The following ZNF777 variants were observed in gnomAD, a reference collection of about 807,000 sequenced individuals.
The protein encoded by ZNF777 is zinc finger protein 777.
In ZNF777, 7 loss-of-function variants were observed where a neutral mutation model predicts 72.1. The observed-to-expected ratio is 0.10, with a 90% CI of 0.06 to 0.18. The LOEUF is 0.18. Ranked by LOEUF, ZNF777 falls within the 10% of genes least tolerant of loss-of-function variation. ZNF777 has a pLI of 1.00. For missense variants in ZNF777, 828 were observed against 1,128.6 expected (o/e 0.73, Z 3.82); for synonymous variants, 545 against 483.5 (o/e 1.13, Z -1.67).
rs751930761 is a variant in ZNF777, at chr7:149,431,732, C to A, written c.*44G>T. On this transcript the variant is annotated 3_prime_UTR_variant, in exon 6 of 6. Coordinates refer to ENST00000247930, the MANE Select transcript of ZNF777 (RefSeq NM_015694.3). ...GGGCCTGGCGGTGTCCGAGGGGGGG[C>A]ACGGCCCGCGCACCTGGCCGGGCGG... 197 of 1,302,034 alleles carry A rather than the reference C, an allele frequency of 1.5e-4. 1 individual carries two copies. The highest frequency in any genetic ancestry group is 1.8e-4 in the Non-Finnish European group (190 of 1,028,012). The allele number at this position is 1,302,034 out of a possible 1,614,324, so 80.7% of individuals were successfully genotyped here. A position where few individuals can be genotyped will look rare whatever the true frequency, so the allele number is the denominator to read the frequency against.
chr7:149,448,579 C>CTATATATATATATATATATA (rs57860880), intron 4 of ZNF777, among the ~76,000 whole-genome samples: 8 of 115,064 alleles, frequency 7.0e-5, no homozygotes, highest in Middle Eastern at 4.7e-3. Context: ...ATACATATAA[C>CTATATATATATATATATATA]TATATATATA....
rs114750994 is a variant in ZNF777 at position 149,441,749 on chromosome 7, T to C, written c.1088-4923A>G. Among the ~76,000 whole-genome samples, 1,520 of 152,366 alleles carry C rather than the reference T, an allele frequency of 1.0e-2. 22 individuals are homozygous for C. The highest frequency in any genetic ancestry group is 0.034 in the African/African-American group (1,427 of 41,582). On this transcript the variant is annotated intron_variant, in intron 4 of 5. Coordinates refer to ENST00000247930, the MANE Select transcript of ZNF777 (RefSeq NM_015694.3). Reference sequence around the variant, plus strand: ...TTAGTTACTGAAAGTGATATAATGCTATATTTTTAGACATTTAGTTAAAAT... The same window carrying C: ...TTAGTTACTGAAAGTGATATAATGCCATATTTTTAGACATTTAGTTAAAAT...
At position 149,433,498 on chromosome 7, in the gene ZNF777, C is replaced by T. The variant is rs185625576; in HGVS notation, c.1340-566G>A. Among the ~76,000 whole-genome samples, 9 of 152,320 alleles carry T rather than the reference C, an allele frequency of 5.9e-5. No homozygotes were observed. In the East Asian group the frequency reaches 1.3e-3, roughly 23 times the overall value. On this transcript the variant is annotated intron_variant, in intron 5 of 5. Transcript: ENST00000247930. ...ATCTCTGCCTGAACTCTGCTCAGAC[C>T]GGCCCACTTCTTTCTTAATCCACTT... is the stretch of plus-strand genomic sequence containing the variant.
intron 1 of ZNF777, among the ~76,000 whole-genome samples, chr7:149,459,134 G>A (rs1412136568): frequency 1.3e-5 from 2 of 151,478 alleles, no homozygotes; most frequent in Non-Finnish European, 2.9e-5. Context: ...TTTCTCATGA[G>A]TTTTTTTTTG....
In ZNF777 at chr7:149,460,958, C is replaced by G. The variant is rs1314279468; in HGVS notation, c.-159G>C. 1.3e-5 allele frequency: 2 copies of G among 152,294 alleles called. No homozygotes were observed. The highest frequency in any genetic ancestry group is 4.1e-4 in the South Asian group (2 of 4,836). The allele number at this position is 152,294 out of a possible 1,614,324, so 9.4% of individuals were successfully genotyped here. A position where few individuals can be genotyped will look rare whatever the true frequency, so the allele number is the denominator to read the frequency against. On this transcript the variant is annotated 5_prime_UTR_variant, in exon 1 of 6. Coordinates refer to ENST00000247930, the MANE Select transcript of ZNF777 (RefSeq NM_015694.3). The surrounding 1 kb of genome is among the most constrained non-coding windows in gnomAD (Gnocchi z 6.1). ...CCGACAGCCTTCCTCCCGCCGATCC[C>G]CTGCGCCTCTCACACCCAGAACCCG...
At position 149,448,485 on chromosome 7, in the gene ZNF777, C is replaced by CTATATATATA. The variant is rs61005836; in HGVS notation, c.1087+2504_1087+2513dup. ...GCTCCATCTCAAAAACAAAACAAAACTATATATATATATATATATATATAT... is the reference window on the plus strand; with the variant it reads ...GCTCCATCTCAAAAACAAAACAAAACTATATATATATATATATATATATATATATATATAT... On this transcript the variant is annotated intron_variant, in intron 4 of 5. Coordinates refer to ENST00000247930, the MANE Select transcript of ZNF777 (RefSeq NM_015694.3). 3.3e-4 allele frequency among the ~76,000 whole-genome samples: 35 copies of CTATATATATA among 104,606 alleles called. 2 individuals are homozygous for CTATATATATA. Among genetic ancestry groups the CTATATATATA allele is most frequent in the African/African-American group, 1.6e-3 (32 of 19,402 alleles). 68.6% of individuals were successfully genotyped at this position (104,606 alleles called of 152,430 possible).
At chr7:149,457,896 C>A (rs1291769472) in intron 1 of ZNF777, among the ~76,000 whole-genome samples, 2 of 152,206 alleles carry the variant, frequency 1.3e-5, no homozygotes, top group Non-Finnish European at 2.9e-5. Flanking sequence ...ACAGGAGAGA[C>A]TAAGCAACTT....
rs1408521336 is a variant in ZNF777 at position 149,437,864 on chromosome 7, G to A, written c.1088-1038C>T. Among the ~76,000 whole-genome samples the A allele has an allele frequency of 4.1e-5, 4 of 96,490 alleles. No individual in the cohort carries two copies. In the Admixed American group the frequency reaches 4.9e-4, roughly 12 times the overall value. 63.3% of individuals were successfully genotyped at this position (96,490 alleles called of 152,430 possible). ...CTGTGTTCCTCTACTCAAATATCTT[G>A]TAGAAATCCCTTCAAACCAATTTCT... On this transcript the variant is annotated intron_variant, in intron 4 of 5. Coordinates refer to ENST00000247930, the MANE Select transcript of ZNF777 (RefSeq NM_015694.3).
At position 149,460,099 on chromosome 7, in the gene ZNF777, C is replaced by G; in HGVS notation, c.-16+716G>C. ...CCCCGGGGCCCCGAGGCCGCGCGTCCGTGCGCGCGCGGGCCGCCCTCACAG... is the reference window on the plus strand; with the variant it reads ...CCCCGGGGCCCCGAGGCCGCGCGTCGGTGCGCGCGCGGGCCGCCCTCACAG... On this transcript the variant is annotated intron_variant, in intron 1 of 5. Coordinates refer to ENST00000247930, the MANE Select transcript of ZNF777 (RefSeq NM_015694.3). This position sits in a 1 kb window ranked among gnomAD's most constrained non-coding sequence, Gnocchi z 6.1. 5.1e-6 allele frequency: 5 copies of G among 980,644 alleles called. No individual in the cohort carries two copies. The highest frequency in any genetic ancestry group is 4.8e-6 in the Non-Finnish European group (4 of 828,032). 60.7% of individuals were successfully genotyped at this position (980,644 alleles called of 1,614,324 possible). A position where few individuals can be genotyped will look rare whatever the true frequency, so the allele number is the denominator to read the frequency against.
In ZNF777 at chr7:149,432,511, T is replaced by C. The variant is rs1228733245; in HGVS notation, c.1761A>G (p.Gln587=). 1.2e-6 allele frequency: 2 copies of C among 1,613,590 alleles called. No individual in the cohort carries two copies. The highest frequency in any genetic ancestry group is 1.3e-5 in the African/African-American group (1 of 74,846). The change falls in exon 6 of 6, where the codon CAA becomes CAG. Residue 587 remains glutamine, a synonymous_variant. Coordinates refer to ENST00000247930, the MANE Select transcript of ZNF777 (RefSeq NM_015694.3). ...AECEISFRHK[Q]QLTLHQRIHR... is the part of the protein sequence containing the mutation. ...GGATGCGCTGGTGCAGCGTGAGCTG[T>C]TGCTTGTGCCGGAAGCTGATCTCGC... is the stretch of plus-strand genomic sequence containing the variant.
chr7:149,432,811 G>A lies in ZNF777; in HGVS notation c.1461C>T (p.Tyr487=). 3 of 1,605,914 alleles carry A rather than the reference G, an allele frequency of 1.9e-6. No homozygotes were observed. The highest frequency in any genetic ancestry group is 2.6e-6 in the Non-Finnish European group (3 of 1,174,444). ...ACATCTCCCCGGGCAGCGGGGTCTG[G>A]TACATACTGGCCTCATATCTCCCGG... ...QLSGRYEASM[Y]QTPLPGEMSP... The change falls in exon 6 of 6, where the codon TAC becomes TAT. Residue 487 remains tyrosine, a synonymous_variant. Transcript: ENST00000247930.
intron 3 of ZNF777, 76 bp from the exon 4 acceptor site, chr7:149,451,188 C>T: frequency 7.7e-6 from 10 of 1,297,718 alleles, no homozygotes; most frequent in Non-Finnish European, 1.1e-5. Context: ...CATCTGTGGG[C>T]ACGTGATTCC....
At position 149,455,514 on chromosome 7, in the gene ZNF777, G is replaced by T; in HGVS notation, c.509C>A (p.Ser170Tyr). Residue 170 changes from serine (S) to tyrosine (Y), a missense_variant, in exon 2 of 6, where the codon TCT becomes TAT. Around this residue, in one of 12 missense-constraint regions of ZNF777, gnomAD observed 222 missense variants for 211.2 expected, o/e 1.05. Coordinates refer to ENST00000247930, the MANE Select transcript of ZNF777 (RefSeq NM_015694.3). This position sits in a 1 kb window ranked among gnomAD's most constrained non-coding sequence, Gnocchi z 4.2. Reference protein sequence around the residue: ...SQKDTPFQISSAVQKEQPLPT... With the variant: ...SQKDTPFQISYAVQKEQPLPT... Reference sequence around the variant, plus strand: ...GAGCGGCTGTTCCTTCTGGACTGCAGAAGAGATCTGGAAAGGGGTGTCCTT... The same window carrying T: ...GAGCGGCTGTTCCTTCTGGACTGCATAAGAGATCTGGAAAGGGGTGTCCTT... 6.2e-7 allele frequency: 1 copy of T among 1,614,096 alleles called. No homozygotes were observed. The highest frequency in any genetic ancestry group is 2.2e-5 in the East Asian group (1 of 44,878).
chr7:149,459,898 T>C (rs1208038923), intron 1 of ZNF777: 1 of 971,958 alleles, frequency 1.0e-6, no homozygotes, highest in Non-Finnish European at 1.2e-6. Flanking sequence ...GGGCCGGGCG[T>C]GAGAGCAGCC....
Position 149,455,903 on chromosome 7 carries a change from G to A in ZNF777, c.120C>T (p.Pro40=), listed in dbSNP as rs1421672629. 1.1e-5 allele frequency: 17 copies of A among 1,613,794 alleles called. No homozygotes were observed. Among genetic ancestry groups the A allele is most frequent in the African/African-American group, 2.7e-5 (2 of 74,810 alleles). ...TGGGAGACAAAGAAGGAATTTCTTT[G>A]GGAGGAAGAACGCGGGATTGGAACA... ...ETLFQSRVLP[P]KEIPSLSPTI... The change falls in exon 2 of 6, where the codon CCC becomes CCT. Residue 40 remains proline, a synonymous_variant. Coordinates refer to ENST00000247930, the MANE Select transcript of ZNF777 (RefSeq NM_015694.3). The surrounding 1 kb of genome is among the most constrained non-coding windows in gnomAD (Gnocchi z 4.2).
In ZNF777 at chr7:149,437,393, G is replaced by A. The variant is rs148389908; in HGVS notation, c.1088-567C>T. On this transcript the variant is annotated intron_variant, in intron 4 of 5. Transcript: ENST00000247930. Reference sequence around the variant, plus strand: ...CTCACAATCAGGTCGATGAAGAAAAGGCTACCTCCTGACCACTCCCACCCT... The same window carrying A: ...CTCACAATCAGGTCGATGAAGAAAAAGCTACCTCCTGACCACTCCCACCCT... 3.9e-5 allele frequency among the ~76,000 whole-genome samples: 6 copies of A among 152,154 alleles called. No individual in the cohort carries two copies. The South Asian group carries it at 1.0e-3, about 26-fold the overall frequency.
At position 149,455,907 on chromosome 7, in the gene ZNF777, G is replaced by T. The variant is rs1226318491; in HGVS notation, c.116C>A (p.Pro39His). The change falls in exon 2 of 6, where the codon CCT (proline) becomes CAT (histidine). Residue 39 changes from proline (P) to histidine (H), a missense_variant. Physicochemically the swap from Pro to His is moderately conservative, Grantham distance 77. This residue lies in a region of ZNF777 where 222 missense variants were observed against 211.2 expected (regional missense o/e 1.05). Transcript: ENST00000247930. The surrounding 1 kb of genome is among the most constrained non-coding windows in gnomAD (Gnocchi z 4.2). Reference protein sequence around the residue: ...RETLFQSRVLPPKEIPSLSPT... With the variant: ...RETLFQSRVLHPKEIPSLSPT... ...AGACAAAGAAGGAATTTCTTTGGGAGGAAGAACGCGGGATTGGAACAGAGT... is the reference window on the plus strand; with the variant it reads ...AGACAAAGAAGGAATTTCTTTGGGATGAAGAACGCGGGATTGGAACAGAGT... The T allele has an allele frequency of 6.2e-7, 1 of 1,613,794 alleles. No homozygotes were observed. The highest frequency in any genetic ancestry group is 8.5e-7 in the Non-Finnish European group (1 of 1,180,008).
In ZNF777 at chr7:149,460,844, G is replaced by A. The variant is rs972285951; in HGVS notation, c.-45C>T. 5 of 152,156 alleles carry A rather than the reference G, an allele frequency of 3.3e-5. No homozygotes were observed. The highest frequency in any genetic ancestry group is 9.7e-5 in the African/African-American group (4 of 41,426). 9.4% of individuals were successfully genotyped at this position (152,156 alleles called of 1,614,324 possible). On this transcript the variant is annotated 5_prime_UTR_variant, in exon 1 of 6. Coordinates refer to ENST00000247930, the MANE Select transcript of ZNF777 (RefSeq NM_015694.3). This position sits in a 1 kb window ranked among gnomAD's most constrained non-coding sequence, Gnocchi z 6.1. ...GGTCCTCGCCTGCCCAGGCACCCTCGGGCGAGGCCGGGAGGCGCGCGGGCG... is the reference window on the plus strand; with the variant it reads ...GGTCCTCGCCTGCCCAGGCACCCTCAGGCGAGGCCGGGAGGCGCGCGGGCG...
At chr7:149,447,209 GGGCAT>G (rs1799619467) in intron 4 of ZNF777, among the ~76,000 whole-genome samples, 1 of 152,178 alleles carries the variant, frequency 6.6e-6, no homozygotes, top group Non-Finnish European at 1.5e-5. Flanking sequence ...GGGTTCTGCA[GGGCAT>G]GGCTTGTGTT....
Sources: allele counts gnomAD v4.1 joint callset (sites outside exome capture counted in the v4.1 genomes callset), GRCh38; gene constraint gnomAD v4.1.1; regional missense constraint gnomAD v4.1.1; non-coding constraint Gnocchi (gnomAD v3.1); transcripts MANE v1.5; gene names NCBI Gene and HGNC (gene_info 2026-07-23, HGNC 2026-07-21).